Variants in SLC39A11 observed in about 807,000 individuals in gnomAD.
The protein encoded by SLC39A11 is solute carrier family 39 member 11, also known as zinc transporter ZIP11.
A neutral mutation model predicts 36.1 loss-of-function variants in SLC39A11; 33 were observed. The ratio of observed to expected loss-of-function variants is 0.91; its 90% CI spans 0.69 to 1.22. The LOEUF (loss-of-function observed/expected upper bound fraction) is 1.22, where lower values mean the gene tolerates loss of function less well. Among genes scored for constraint, SLC39A11 ranks in the 50% most tolerant of loss-of-function variants. The pLI is 0.00. For synonymous variants in SLC39A11, 166 were observed against 170.3 expected (o/e 0.97, Z 0.20); for missense variants, 432 against 430.3 (o/e 1.00, Z -0.03).
chr17:72,696,441 G>C lies in SLC39A11; in HGVS notation c.671+40209C>G, dbSNP rs553319274. Among the ~76,000 whole-genome samples, 10 of 152,304 alleles carry C rather than the reference G, an allele frequency of 6.6e-5. No individual in the cohort carries two copies. The South Asian group carries it at 1.0e-3, about 16-fold the overall frequency. On this transcript the variant is annotated intron_variant, in intron 7 of 9. Coordinates refer to ENST00000255559, the MANE Select transcript of SLC39A11 (RefSeq NM_139177.4). ...CCCCATTCTAAGATCAAAGAAGCCA[G>C]GCTCAGGGAGGGTAAGTGACTCTTC... is the stretch of plus-strand genomic sequence containing the variant.
chr17:73,021,440 A>G (rs2058350014), intron 4 of SLC39A11, among the ~76,000 whole-genome samples: 1 of 151,946 alleles, frequency 6.6e-6, no homozygotes, highest in Non-Finnish European at 1.5e-5. Context: ...CCTGGGTTCA[A>G]GCAATTCTTG....
rs899435918 is a variant in SLC39A11 at position 72,837,355 on chromosome 17, T to C, written c.601+12279A>G. Among the ~76,000 whole-genome samples the C allele has an allele frequency of 3.1e-5, 4 of 129,862 alleles. No individual in the cohort carries two copies. In the East Asian group the frequency reaches 6.7e-4, roughly 22 times the overall value. The allele number at this position is 129,862 out of a possible 152,430, so 85.2% of individuals were successfully genotyped here. A position where few individuals can be genotyped will look rare whatever the true frequency, so the allele number is the denominator to read the frequency against. ...TAAAAATGTACTATAAAAATGTATA[T>C]TGCTCAAAAAAAAAAAAAAAAAAAA... On this transcript the variant is annotated intron_variant, in intron 6 of 9. Coordinates refer to ENST00000255559, the MANE Select transcript of SLC39A11 (RefSeq NM_139177.4).
chr17:72,988,129 C>T (rs900704134), intron 4 of SLC39A11, among the ~76,000 whole-genome samples: 2 of 152,204 alleles, frequency 1.3e-5, no homozygotes, highest in Non-Finnish European at 2.9e-5. Context: ...CTTTGAATTA[C>T]AAACAATCCA....
rs537449458 is a variant in SLC39A11, at chr17:72,789,414, T to C, written c.602-52695A>G. ...AAGAACAATGGAGGCCACCTCAAAA[T>C]TCAAGTCAAAGAAGTACTTGTTAGG... On this transcript the variant is annotated intron_variant, in intron 6 of 9. Coordinates refer to ENST00000255559, the MANE Select transcript of SLC39A11 (RefSeq NM_139177.4). 3.3e-5 allele frequency among the ~76,000 whole-genome samples: 5 copies of C among 152,292 alleles called. No individual in the cohort carries two copies. The East Asian group carries it at 5.8e-4, about 18-fold the overall frequency.
At chr17:72,770,005 C>G (rs2075880073) in intron 6 of SLC39A11, among the ~76,000 whole-genome samples, 1 of 152,194 alleles carries the variant, frequency 6.6e-6, no homozygotes, top group African/African-American at 2.4e-5. Context: ...CCTCCTACAT[C>G]TATTGATTGG....
chr17:72,798,997 G>A (rs2076992685), intron 6 of SLC39A11, among the ~76,000 whole-genome samples: 1 of 152,098 alleles, frequency 6.6e-6, no homozygotes, highest in African/African-American at 2.4e-5. Flanking sequence ...GAGGACCATG[G>A]GTTGGTGGAG....
chr17:73,044,118 TC>T (rs1394889348), intron 3 of SLC39A11, among the ~76,000 whole-genome samples: 1 of 150,942 alleles, frequency 6.6e-6, no homozygotes. Context: ...GCTTACAATC[TC>T]CAAACTAGGA....
intron 4 of SLC39A11, among the ~76,000 whole-genome samples, chr17:72,997,532 C>T (rs1598777383): frequency 2.0e-5 from 3 of 152,112 alleles, no homozygotes; most frequent in South Asian, 4.1e-4. Context: ...GGATTACAGG[C>T]GTGAGCCACC....
intron 4 of SLC39A11, among the ~76,000 whole-genome samples, chr17:72,981,854 T>C (rs1298283012): frequency 6.6e-6 from 1 of 152,032 alleles, no homozygotes; most frequent in Non-Finnish European, 1.5e-5. Flanking sequence ...AGACCAACCA[T>C]GGAACAGAAA....
At chr17:72,763,141 C>G (rs1046449298) in intron 6 of SLC39A11, among the ~76,000 whole-genome samples, 1 of 152,158 alleles carries the variant, frequency 6.6e-6, no homozygotes, top group African/African-American at 2.4e-5. Flanking sequence ...AAGCTCCCAA[C>G]AGGATTTAGA....
At chr17:72,743,692 A>G (rs1238815479) in intron 6 of SLC39A11, among the ~76,000 whole-genome samples, 3 of 152,190 alleles carry the variant, frequency 2.0e-5, no homozygotes, top group African/African-American at 4.8e-5. Context: ...AAGGAACACC[A>G]AAACGAGAAT....
intron 6 of SLC39A11, among the ~76,000 whole-genome samples, chr17:72,745,505 A>C (rs1049078772): frequency 1.3e-5 from 2 of 152,184 alleles, no homozygotes; most frequent in Non-Finnish European, 2.9e-5. Flanking sequence ...TCATGAATGC[A>C]TTCCTCTTGG....
intron 7 of SLC39A11, among the ~76,000 whole-genome samples, chr17:72,694,722 TC>T (rs2072207657): frequency 6.6e-6 from 1 of 152,162 alleles, no homozygotes; most frequent in Non-Finnish European, 1.5e-5. Flanking sequence ...TCTACCACAA[TC>T]CAAAATAGCA....
At chr17:72,920,057 G>A (rs554829515) in intron 5 of SLC39A11, among the ~76,000 whole-genome samples, 11 of 152,192 alleles carry the variant, frequency 7.2e-5, no homozygotes, top group Middle Eastern at 3.4e-3. Context: ...TGGTGTGGCC[G>A]TTTTCAAAAG....
At chr17:72,717,600 C>T (rs2073462353) in intron 7 of SLC39A11, among the ~76,000 whole-genome samples, 1 of 152,232 alleles carries the variant, frequency 6.6e-6, no homozygotes, top group Non-Finnish European at 1.5e-5. Flanking sequence ...TGTGTCATCC[C>T]TCCTTGTTTT....
At chr17:72,822,545 C>A (rs917444887) in intron 6 of SLC39A11, among the ~76,000 whole-genome samples, 1 of 150,920 alleles carries the variant, frequency 6.6e-6, no homozygotes, top group African/African-American at 2.4e-5. Flanking sequence ...CTGAGAGAAA[C>A]AGGTGTCAAT....
chr17:72,878,378 ATG>A (rs1403927723), intron 5 of SLC39A11, among the ~76,000 whole-genome samples: 1 of 152,142 alleles, frequency 6.6e-6, no homozygotes, highest in African/African-American at 2.4e-5. Flanking sequence ...TATTGTCTTC[ATG>A]TATTTTAGGA....
chr17:73,077,435 A>G (rs1450501000), intron 3 of SLC39A11, among the ~76,000 whole-genome samples: 1 of 152,190 alleles, frequency 6.6e-6, no homozygotes, highest in Non-Finnish European at 1.5e-5. Flanking sequence ...CTCCTGCCTT[A>G]GCCTCTCAAC....
chr17:72,839,704 G>A (rs193147338), intron 6 of SLC39A11: 1 of 152,324 alleles, frequency 6.6e-6, no homozygotes, highest in East Asian at 1.9e-4. Flanking sequence ...AGAAAACCAA[G>A]GCAGTCCTTC....
Sources: allele counts gnomAD v4.1 joint callset (sites outside exome capture counted in the v4.1 genomes callset), GRCh38; gene constraint gnomAD v4.1.1; transcripts MANE v1.5; gene names NCBI Gene and HGNC (gene_info 2026-07-23, HGNC 2026-07-21).